Variants in PANK4 observed in about 807,000 individuals in gnomAD.
PANK4 encodes pantothenate kinase 4 (inactive).
PANK4 carries 40 observed loss-of-function variants against 87.9 expected under a neutral mutation model. The observed-to-expected ratio is 0.46, with a 90% CI of 0.35 to 0.59. PANK4 has a LOEUF of 0.59. Among genes scored for constraint, PANK4 ranks in the 20% least tolerant of loss-of-function variants. PANK4 has a pLI of 0.00. For synonymous variants in PANK4, 524 were observed against 467.4 expected, an observed-to-expected ratio of 1.12 and a Z score of -1.56; for missense variants, 926 against 1,072.3, an observed-to-expected ratio of 0.86 and a Z score of 1.90.
intron 1 of PANK4, among the ~76,000 whole-genome samples, chr1:2,524,520 T>C (rs1310779695): frequency 3.3e-5 from 5 of 152,074 alleles, no homozygotes; most frequent in East Asian, 1.9e-4. Flanking sequence ...GGGAAATAAA[T>C]ACCAGCACTA....
At position 2,509,232 on chromosome 1, in the gene PANK4, A is replaced by G. The variant is rs1557434756; in HGVS notation, c.2109-172T>C. On this transcript the variant is annotated intron_variant, in intron 18 of 18. Coordinates refer to ENST00000378466, the MANE Select transcript of PANK4 (RefSeq NM_018216.4). The surrounding 1 kb of genome is among the most constrained non-coding windows in gnomAD (Gnocchi z 4.9). The stretch of plus-strand genomic sequence containing the variant: ...CTGCCTCAGCCTGGGGCTTCCTCAG[A>G]GCAGCAGCTCACACAGGGCCAGAGC... Among the ~76,000 whole-genome samples, 1 of 152,066 alleles carries G rather than the reference A, an allele frequency of 6.6e-6. No homozygotes were observed. Among genetic ancestry groups the G allele is most frequent in the Non-Finnish European group, 1.5e-5 (1 of 68,014 alleles).
rs1466366216 is a variant in PANK4, at chr1:2,520,762, A to T, written c.567T>A (p.Tyr189Ter). 6.2e-7 allele frequency: 1 copy of T among 1,613,268 alleles called. No homozygotes were observed. Among genetic ancestry groups the T allele is most frequent in the Non-Finnish European group, 8.5e-7 (1 of 1,179,856 alleles). The change falls in exon 4 of 19, where the codon TAT becomes TAA. Residue 189 changes from tyrosine (Y) to a stop codon, truncating the protein, a stop_gained. Coordinates refer to ENST00000378466, the MANE Select transcript of PANK4 (RefSeq NM_018216.4). LOFTEE classifies it high-confidence loss of function. This position sits in a 1 kb window ranked among gnomAD's most constrained non-coding sequence, Gnocchi z 6.2. Reference sequence around the variant, plus strand: ...CTCCAGAGCCGATATTGACAAGAAGATAGGGGAAAATGTGGGGGTGGTTGG... The same window carrying T: ...CTCCAGAGCCGATATTGACAAGAAGTTAGGGGAAAATGTGGGGGTGGTTGG... The part of the protein sequence containing the change: ...FQTNHPHIFP[Y>*]LLVNIGSGVS...
chr1:2,523,304 A>G (rs1004804654), intron 1 of PANK4, among the ~76,000 whole-genome samples: 1 of 152,072 alleles, frequency 6.6e-6, no homozygotes, highest in Non-Finnish European at 1.5e-5. Context: ...CACAGGCTCA[A>G]TCTGATCCCC....
intron 13 of PANK4, 93 bp from the exon 14 acceptor site, chr1:2,511,776 G>A (rs547151970): frequency 5.8e-5 from 44 of 761,078 alleles, no homozygotes; most frequent in Non-Finnish European, 8.6e-5. Context: ...CCTCCCAGGC[G>A]GGACAGAGGC....
At chr1:2,518,727 G>A (rs909090912) in intron 7 of PANK4, 130 bp from the exon 8 acceptor site, 109 of 748,022 alleles carry the variant, frequency 1.5e-4, no homozygotes, top group Middle Eastern at 2.3e-4. Context: ...TGGCACCCAC[G>A]GCATACTTGC....
At chr1:2,521,460 G>T in intron 2 of PANK4, 145 bp from the exon 3 acceptor site, 1 of 778,304 alleles carries the variant, frequency 1.3e-6, no homozygotes, top group African/African-American at 1.7e-5. Flanking sequence ...CAAGAGGGAG[G>T]AGCCTAGGAC....
At chr1:2,516,642 T>C (rs2100781388) in intron 9 of PANK4, among the ~76,000 whole-genome samples, 1 of 152,218 alleles carries the variant, frequency 6.6e-6, no homozygotes, top group African/African-American at 2.4e-5. Flanking sequence ...AAGCAGCCTC[T>C]GGGTGGGCAG....
Position 2,520,653 on chromosome 1 carries a change from T to C in PANK4, c.606+70A>G, listed in dbSNP as rs2100791103. 2.1e-6 allele frequency: 3 copies of C among 1,456,434 alleles called. No individual in the cohort carries two copies. The highest frequency in any genetic ancestry group is 4.6e-5 in the East Asian group (2 of 43,920). 90.2% of individuals were successfully genotyped at this position (1,456,434 alleles called of 1,614,324 possible). A position where few individuals can be genotyped will look rare whatever the true frequency, so the allele number is the denominator to read the frequency against. ...CATCCATGTGCCCAGCCCTGGCTCCTGCACACAGCGAGGGCTTAACAAACT... is the reference window on the plus strand; with the variant it reads ...CATCCATGTGCCCAGCCCTGGCTCCCGCACACAGCGAGGGCTTAACAAACT... On this transcript the variant is annotated intron_variant, in intron 4 of 18. Transcript: ENST00000378466. This position sits in a 1 kb window ranked among gnomAD's most constrained non-coding sequence, Gnocchi z 6.2.
intron 1 of PANK4, 171 bp from the exon 2 acceptor site, chr1:2,521,971 C>T (rs1188169142): frequency 8.2e-6 from 5 of 613,334 alleles, no homozygotes; most frequent in Non-Finnish European, 8.8e-6. Flanking sequence ...GACAGGAAAA[C>T]GAACAATCAA....
At chr1:2,526,399 G>GC in intron 1 of PANK4, 65 bp downstream of exon 1, 1 of 686,272 alleles carries the variant, frequency 1.5e-6, no homozygotes, top group Non-Finnish European at 1.8e-6. Context: ...GCCCCCGCTC[G>GC]CCGGCCCACC....
chr1:2,526,380 CT>C (rs1643924271), intron 1 of PANK4, 83 bp downstream of exon 1: 1 of 842,158 alleles, frequency 1.2e-6, no homozygotes, highest in African/African-American at 1.8e-5. Flanking sequence ...GCCCTTCGTC[CT>C]TCCCGCCGCC....
chr1:2,520,560 C>T lies in PANK4; in HGVS notation c.607-146G>A, dbSNP rs532439515. ...GGACTCTCATGGCCAAGCCTGGGGG[C>T]GCTGATGCCCCTCCCACAGAGGCTC... On this transcript the variant is annotated intron_variant, in intron 4 of 18. Transcript: ENST00000378466. This position sits in a 1 kb window ranked among gnomAD's most constrained non-coding sequence, Gnocchi z 6.2. 4.3e-5 allele frequency: 35 copies of T among 820,074 alleles called. 1 individual carries two copies. The highest frequency in any genetic ancestry group is 1.2e-4 in the East Asian group (3 of 24,224). The allele number at this position is 820,074 out of a possible 1,614,324, so 50.8% of individuals were successfully genotyped here.
intron 1 of PANK4, 157 bp from the exon 2 acceptor site, chr1:2,521,957 AGAG>A: frequency 1.6e-6 from 1 of 617,366 alleles, no homozygotes; most frequent in South Asian, 1.9e-5. Flanking sequence ...GGCACAAAAG[AGAG>A]GACAGGAAAA....
intron 14 of PANK4, 83 bp downstream of exon 14, chr1:2,511,545 C>T (rs1231060368): frequency 3.0e-5 from 34 of 1,139,620 alleles, no homozygotes; most frequent in East Asian, 4.7e-5. Context: ...GGACCCCGAC[C>T]GCAACTGCAT....
chr1:2,511,360 C>T lies in PANK4; in HGVS notation c.1811G>A (p.Ser604Asn). The part of the protein sequence containing the change: ...QERPWLVDSY[S>N]EWLQRLKGPP... The stretch of plus-strand genomic sequence containing the variant: ...TACCTTTAATCTCTGAAGCCACTCG[C>T]TGTAGGAATCCACGAGCCAGGGTCT... The change falls in exon 15 of 19, where the codon AGC becomes AAC. Residue 604 changes from serine to asparagine, a missense_variant. By Grantham distance (46) the Ser-to-Asn change is conservative. Transcript: ENST00000378466. The T allele has an allele frequency of 6.2e-7, 1 of 1,611,106 alleles. No individual in the cohort carries two copies. Among genetic ancestry groups the T allele is most frequent in the Non-Finnish European group, 8.5e-7 (1 of 1,178,248 alleles).
intron 9 of PANK4, among the ~76,000 whole-genome samples, chr1:2,516,585 G>A (rs1056892482): frequency 6.6e-6 from 1 of 152,158 alleles, no homozygotes; most frequent in African/African-American, 2.4e-5. Flanking sequence ...CTGGCCCTCT[G>A]CCCTTCTCCA....
chr1:2,512,791 A>T, intron 13 of PANK4, 97 bp downstream of exon 13: 1 of 1,254,898 alleles, frequency 8.0e-7, no homozygotes, highest in Non-Finnish European at 1.1e-6. Context: ...GCGCCACGTG[A>T]CCCCCAAGGG....
chr1:2,521,624 T>C (rs1643876064), intron 2 of PANK4, 94 bp downstream of exon 2: 1 of 1,009,844 alleles, frequency 9.9e-7, no homozygotes, highest in Non-Finnish European at 1.6e-6. Context: ...AGTCGAGGTC[T>C]GCAGCAGCAG....
intron 11 of PANK4, 33 bp from the exon 12 acceptor site, chr1:2,514,122 G>A (rs374122534): frequency 4.8e-5 from 75 of 1,559,916 alleles, no homozygotes; most frequent in Non-Finnish European, 6.4e-5. Context: ...GCGCTGAGCA[G>A]GGCAGGCCGA....
Sources: gnomAD v4.1 joint callset for allele counts (sites outside exome capture counted in the v4.1 genomes callset) on GRCh38, gnomAD v4.1.1 for gene constraint, Gnocchi (gnomAD v3.1) non-coding constraint, MANE v1.5 for transcripts, NCBI Gene and HGNC (gene_info 2026-07-23, HGNC 2026-07-21) for gene names.